TTLL13: variants seen among roughly 807,000 people sequenced by gnomAD.
TTLL13 encodes the protein tubulin tyrosine ligase like 13.
At chr15:90,264,044 T>TC in the TTLL13 span, 2 of 1,534,672 alleles carry the variant, frequency 1.3e-6, no homozygotes, top group Non-Finnish European at 8.7e-7. Flanking sequence ...AGTGCCAGAA[T>TC]CAGGCTCACT....
At chr15:90,257,844 C>T in the TTLL13 span, 1 of 1,053,560 alleles carries the variant, frequency 9.5e-7, no homozygotes, top group South Asian at 1.5e-5. Context: ...CTTTATAGAC[C>T]CTGTCCTGTG....
the TTLL13 span, chr15:90,265,038 T>TA: frequency 6.9e-7 from 1 of 1,453,378 alleles, no homozygotes; most frequent in East Asian, 2.5e-5. Flanking sequence ...AAATCTTTGC[T>TA]AAATGAATGA....
chr15:90,264,034 AG>A, the TTLL13 span: 1 of 1,535,706 alleles, frequency 6.5e-7, no homozygotes. Context: ...CTATTTTTCC[AG>A]TGCCAGAATC....
At chr15:90,262,853 C>G in the TTLL13 span, 5 of 1,311,648 alleles carry the variant, frequency 3.8e-6, no homozygotes, top group Admixed American at 1.4e-4. Flanking sequence ...AGGAACCTTC[C>G]TGGGTCAGGG....
At chr15:90,250,049 C>T in the TTLL13 span, among the ~76,000 whole-genome samples, 1 of 150,736 alleles carries the variant, frequency 6.6e-6, no homozygotes, top group Non-Finnish European at 1.5e-5. Context: ...CCTCCACCTC[C>T]CAGGTTCAAG....
At chr15:90,251,427 C>T in the TTLL13 span, 5,903 of 1,003,422 alleles carry the variant, frequency 5.9e-3, 241 homozygotes, top group African/African-American at 0.083. Flanking sequence ...CCCAGCCCAT[C>T]CTGGTCTGTC....
the TTLL13 span, chr15:90,250,793 C>T: frequency 6.2e-7 from 1 of 1,614,206 alleles, no homozygotes; most frequent in Non-Finnish European, 8.5e-7. Context: ...GGTTCCCTCA[C>T]CCATTATGGC....
chr15:90,257,073 T>C, the TTLL13 span: 3 of 1,480,846 alleles, frequency 2.0e-6, no homozygotes, highest in East Asian at 2.3e-5. Context: ...GTGAAGCACT[T>C]AGAACAGCAC....
chr15:90,257,837 T>G, the TTLL13 span: 1 of 1,097,936 alleles, frequency 9.1e-7, no homozygotes, highest in Non-Finnish European at 1.3e-6. Flanking sequence ...ACTCAGCCTT[T>G]ATAGACCCTG....
chr15:90,263,783 CTA>C, the TTLL13 span: 1 of 703,494 alleles, frequency 1.4e-6, no homozygotes. Context: ...GAACTGAAAT[CTA>C]TGAGTCTGGT....
the TTLL13 span, chr15:90,262,491 G>A: frequency 6.8e-7 from 1 of 1,478,446 alleles, no homozygotes; most frequent in Non-Finnish European, 8.9e-7. Flanking sequence ...TGTCTTGTCA[G>A]GCAGCAACTA....
At chr15:90,258,017 T>C in the TTLL13 span, 1 of 1,611,098 alleles carries the variant, frequency 6.2e-7, no homozygotes, top group Non-Finnish European at 8.5e-7. Flanking sequence ...CTGGCCTTCC[T>C]CTGAGCACTG....
chr15:90,249,952 TTTA>T, the TTLL13 span: 3 of 143,736 alleles, frequency 2.1e-5, no homozygotes, highest in African/African-American at 8.8e-5. Flanking sequence ...TTTTATTTTA[TTTA>T]TTTATTTATT....
At chr15:90,263,819 C>G in the TTLL13 span, 1 of 721,888 alleles carries the variant, frequency 1.4e-6, no homozygotes, top group South Asian at 1.5e-5. Flanking sequence ...CTAAGAGGGG[C>G]TGCCACAGAG....
At chr15:90,256,590 TTTCTTTCTTTCTTTCTTTCC>T in the TTLL13 span, among the ~76,000 whole-genome samples, 20 of 33,366 alleles carry the variant, frequency 6.0e-4, no homozygotes, top group South Asian at 3.0e-3. Flanking sequence ...TCTTTCTTTC[TTTCTTTCTTTCTTTCTTTCC>T]TTCCTTCCTT....
chr15:90,256,418 T>A, the TTLL13 span: 1 of 1,239,178 alleles, frequency 8.1e-7, no homozygotes, highest in Non-Finnish European at 1.1e-6. Flanking sequence ...AGCCCCGTTT[T>A]CCTGGAGGCA....
chr15:90,262,384 C>A, the TTLL13 span: 1 of 1,266,994 alleles, frequency 7.9e-7, no homozygotes, highest in Non-Finnish European at 1.1e-6. Flanking sequence ...TCGCATCAGT[C>A]CTAAGAACAG....
the TTLL13 span, chr15:90,258,217 T>C: frequency 1.2e-6 from 2 of 1,614,254 alleles, no homozygotes; most frequent in East Asian, 2.2e-5. Context: ...TGTTTTGAAA[T>C]CCTTGGTTTT....
the TTLL13 span, among the ~76,000 whole-genome samples, chr15:90,254,230 C>G: frequency 1.4e-5 from 2 of 147,944 alleles, no homozygotes; most frequent in African/African-American, 2.5e-5. Context: ...CACAGTGGCT[C>G]ACGCCTGTAA....
Sources: allele counts gnomAD v4.1 joint callset (sites outside exome capture counted in the v4.1 genomes callset), GRCh38; gene constraint gnomAD v4.1.1; transcripts MANE v1.5; gene names NCBI Gene and HGNC (gene_info 2026-07-23, HGNC 2026-07-21).